Variants in CELSR1 observed in about 807,000 individuals in gnomAD.
CELSR1 encodes the protein cadherin EGF LAG seven-pass G-type receptor 1.
CELSR1 carries 110 observed loss-of-function variants against 249.1 expected under a neutral mutation model. That is an observed-to-expected ratio of 0.44 (90% CI 0.38 to 0.52). The LOEUF is 0.52. Ranked by LOEUF, CELSR1 falls within the 20% of genes least tolerant of loss-of-function variation. The pLI, the probability that CELSR1 is intolerant of heterozygous loss-of-function variation, is 0.00. For missense variants in CELSR1, 4,109 were observed against 4,296.4 expected (o/e 0.96, Z 1.22); for synonymous variants, 2,113 against 1,900.0 (o/e 1.11, Z -2.92).
At chr22:46,499,458 G>C (rs903120273) in intron 1 of CELSR1, among the ~76,000 whole-genome samples, 4 of 152,204 alleles carry the variant, frequency 2.6e-5, no homozygotes, top group African/African-American at 9.7e-5. Flanking sequence ...TAGACGAACA[G>C]GCTTAGATGC....
At chr22:46,474,027 G>C (rs1569189202) in intron 1 of CELSR1, among the ~76,000 whole-genome samples, 1 of 151,872 alleles carries the variant, frequency 6.6e-6, no homozygotes, top group Non-Finnish European at 1.5e-5. Flanking sequence ...GCCACGAGAG[G>C]AAGAGTGAGC....
chr22:46,498,114 GGC>G (rs1356641618), intron 1 of CELSR1, among the ~76,000 whole-genome samples: 2 of 151,672 alleles, frequency 1.3e-5, no homozygotes, highest in Non-Finnish European at 2.9e-5. Context: ...TGGGTGTGGT[GGC>G]GCACACCTGT....
chr22:46,439,056 C>G, intron 3 of CELSR1, 133 bp downstream of exon 3: 5 of 893,748 alleles, frequency 5.6e-6, no homozygotes, highest in Non-Finnish European at 8.7e-6. Flanking sequence ...CCGCGCCTGG[C>G]CTGGAGCTAC....
chr22:46,498,953 G>A (rs2080440935), intron 1 of CELSR1, among the ~76,000 whole-genome samples: 1 of 152,080 alleles, frequency 6.6e-6, no homozygotes, highest in Admixed American at 6.6e-5. Context: ...GCCGAGGCAG[G>A]TGGACTACCT....
At chr22:46,514,512 G>A (rs918639630) in intron 1 of CELSR1, among the ~76,000 whole-genome samples, 2 of 152,130 alleles carry the variant, frequency 1.3e-5, no homozygotes, top group South Asian at 2.1e-4. Flanking sequence ...TGGTGAGGTG[G>A]GGAGTGGGGG....
chr22:46,482,604 A>G (rs2080276995), intron 1 of CELSR1, among the ~76,000 whole-genome samples: 1 of 152,028 alleles, frequency 6.6e-6, no homozygotes, highest in Non-Finnish European at 1.5e-5. Context: ...AAACTCAGCT[A>G]CTCGAAAGGC....
At chr22:46,415,641 A>G (rs1040043960) in intron 5 of CELSR1, among the ~76,000 whole-genome samples, 1 of 151,500 alleles carries the variant, frequency 6.6e-6, no homozygotes, top group Non-Finnish European at 1.5e-5. Context: ...AAAAAAAAAG[A>G]TTCCTGGGTG....
intron 9 of CELSR1, among the ~76,000 whole-genome samples, chr22:46,404,754 G>A (rs2079247174): frequency 6.6e-6 from 1 of 152,036 alleles, no homozygotes; most frequent in Non-Finnish European, 1.5e-5. Flanking sequence ...CTTCCAAAGT[G>A]GTAGGATTAC....
At chr22:46,455,035 G>A (rs563165981) in intron 2 of CELSR1, among the ~76,000 whole-genome samples, 8 of 152,322 alleles carry the variant, frequency 5.3e-5, no homozygotes, top group Non-Finnish European at 1.2e-4. Context: ...AGAGACAGAC[G>A]TGCACGGAAG....
At chr22:46,414,212 A>T (rs1173903182) in intron 5 of CELSR1, among the ~76,000 whole-genome samples, 1 of 152,210 alleles carries the variant, frequency 6.6e-6, no homozygotes, top group Non-Finnish European at 1.5e-5. Context: ...GGCGTTTAGG[A>T]AACGGTCTCT....
rs2078725794 is a variant in CELSR1 at position 46,363,243 on chromosome 22, TGCC to T, written c.9037_9039del (p.Gly3013del). 3 of 1,611,232 alleles carry T rather than the reference TGCC, an allele frequency of 1.9e-6. No individual in the cohort carries two copies. The highest frequency in any genetic ancestry group is 2.7e-5 in the African/African-American group (2 of 73,272). Reference sequence around the variant, plus strand: ...ATGGTTCAAATTGAAGTTTCATTACTGCCTCTGCGCGTGGGAAGAAGCCAGCAA... The same window carrying T: ...ATGGTTCAAATTGAAGTTTCATTACTTCTGCGCGTGGGAAGAAGCCAGCAA... On this transcript the variant is annotated inframe_deletion and splice_region_variant, in exon 35 of 35. Transcript: ENST00000674500. The surrounding 1 kb of genome is among the most constrained non-coding windows in gnomAD (Gnocchi z 4.3).
intron 9 of CELSR1, 106 bp from the exon 10 acceptor site, chr22:46,400,008 G>A: frequency 8.4e-7 from 1 of 1,187,716 alleles, no homozygotes; most frequent in Non-Finnish European, 1.2e-6. Flanking sequence ...CTGATTATGT[G>A]GCACCAGATA....
At chr22:46,404,421 A>C (rs1182084745) in intron 9 of CELSR1, among the ~76,000 whole-genome samples, 1 of 152,146 alleles carries the variant, frequency 6.6e-6, no homozygotes, top group Non-Finnish European at 1.5e-5. Context: ...CAAAAAAAAA[A>C]GAAAAAGAAA....
At chr22:46,455,769 T>C (rs1187948715) in intron 2 of CELSR1, among the ~76,000 whole-genome samples, 1 of 152,132 alleles carries the variant, frequency 6.6e-6, no homozygotes, top group Non-Finnish European at 1.5e-5. Context: ...GCTAATTCTG[T>C]TTATCAAAAG....
chr22:46,385,541 G>A (rs903361388), intron 19 of CELSR1, among the ~76,000 whole-genome samples: 2 of 152,060 alleles, frequency 1.3e-5, no homozygotes, highest in East Asian at 1.9e-4. Flanking sequence ...AAGCCCTGCC[G>A]GACCCCCAAG....
rs548331480 is a variant in CELSR1 at position 46,448,755 on chromosome 22, G to T, written c.4184-9344C>A. 6.6e-6 allele frequency among the ~76,000 whole-genome samples: 1 copy of T among 152,120 alleles called. No homozygotes were observed. The highest frequency in any genetic ancestry group is 2.4e-5 in the African/African-American group (1 of 41,418). On this transcript the variant is annotated intron_variant, in intron 2 of 34. Transcript: ENST00000674500. This position sits in a 1 kb window ranked among gnomAD's most constrained non-coding sequence, Gnocchi z 5.7. ...CAATTTCAAAGTCAGGTCATATCAC[G>T]CAAATGCACAAAACCTGAAGTCAAC...
At position 46,484,777 on chromosome 22, in the gene CELSR1, A is replaced by G. The variant is rs1326341401; in HGVS notation, c.3545-20432T>C. 6.9e-6 allele frequency among the ~76,000 whole-genome samples: 1 copy of G among 144,824 alleles called. No homozygotes were observed. Among genetic ancestry groups the G allele is most frequent in the East Asian group, 2.0e-4 (1 of 4,972 alleles). ...GCCTGAGGTCTCCAAACACTACCGA[A>G]GCCCACCTCCAGGAACAAGGATATC... On this transcript the variant is annotated intron_variant, in intron 1 of 34. Coordinates refer to ENST00000674500, the MANE Select transcript of CELSR1 (RefSeq NM_001378328.1). This position sits in a 1 kb window ranked among gnomAD's most constrained non-coding sequence, Gnocchi z 4.5.
rs1344646229 is a variant in CELSR1 at position 46,535,328 on chromosome 22, C to T, written c.1843G>A (p.Gly615Ser). ...GCAGGATTCTTAGGCCCAGCGCTGC[C>T]GCCCCCCAGAAAGGTGGAGGCCGTG... ...VDTASTFLGG[G>S]SAGPKNPAPT... is the part of the protein sequence containing the mutation. Residue 615 changes from glycine to serine, a missense_variant, in exon 1 of 35, where the codon GGC becomes AGC. By Grantham distance (56) the Gly-to-Ser change is moderately conservative. Around this residue, in one of 7 missense-constraint regions of CELSR1, gnomAD observed 886 missense variants for 896.5 expected, o/e 0.99. Transcript: ENST00000674500. 2.5e-6 allele frequency: 4 copies of T among 1,612,122 alleles called. No homozygotes were observed. Among genetic ancestry groups the T allele is most frequent in the East Asian group, 2.2e-5 (1 of 44,876 alleles).
At chr22:46,438,120 G>C (rs1194204756) in intron 3 of CELSR1, among the ~76,000 whole-genome samples, 1 of 152,038 alleles carries the variant, frequency 6.6e-6, no homozygotes, top group African/African-American at 2.4e-5. Context: ...CAAAGCCGAG[G>C]GGAGGGTTGG....
Sources: gnomAD v4.1 joint callset for allele counts (sites outside exome capture counted in the v4.1 genomes callset) on GRCh38, gnomAD v4.1.1 for gene constraint, gnomAD v4.1.1 regional missense constraint, Gnocchi (gnomAD v3.1) non-coding constraint, MANE v1.5 for transcripts, NCBI Gene and HGNC (gene_info 2026-07-23, HGNC 2026-07-21) for gene names.